CARMIL2: variants seen among roughly 807,000 people sequenced by gnomAD.
CARMIL2 encodes capping protein regulator and myosin 1 linker 2.
Under a neutral mutation model 173.3 loss-of-function variants are expected in CARMIL2, and 96 were observed. The observed-to-expected ratio is 0.55, with a 90% CI of 0.47 to 0.66. The LOEUF (loss-of-function observed/expected upper bound fraction) is 0.66. CARMIL2 is among the 30% of genes least tolerant of loss of function. CARMIL2 has a pLI of 0.00. For missense variants in CARMIL2, 1,771 were observed against 1,906.7 expected (o/e 0.93, Z 1.33); for synonymous variants, 830 against 817.1 (o/e 1.02, Z -0.27).
At position 67,657,376 on chromosome 16, in the gene CARMIL2, C is replaced by T. The variant is rs2142963713; in HGVS notation, c.4196-30C>T. The T allele has an allele frequency of 6.2e-7, 1 of 1,605,830 alleles. No homozygotes were observed. The highest frequency in any genetic ancestry group is 8.5e-7 in the Non-Finnish European group (1 of 1,176,016). The stretch of plus-strand genomic sequence containing the variant: ...AGGACTGCTTAGCCCAGCCCTGACC[C>T]TTCCTCTCTCTCCCTCCCTCCCCTC... On this transcript the variant is annotated intron_variant, in intron 37 of 37. Coordinates refer to ENST00000334583, the MANE Select transcript of CARMIL2 (RefSeq NM_001013838.3). The surrounding 1 kb of genome is among the most constrained non-coding windows in gnomAD (Gnocchi z 4.5).
Position 67,649,724 on chromosome 16 carries a change from C to T in CARMIL2, c.1920-82C>T. The T allele has an allele frequency of 6.4e-7, 1 of 1,569,132 alleles. No individual in the cohort carries two copies. The highest frequency in any genetic ancestry group is 8.6e-7 in the Non-Finnish European group (1 of 1,156,522). Reference sequence around the variant, plus strand: ...AATGAGGCGGAGCAAATGGAGCAGGCTGACGAGGCGAATGGACTAGGCCGA... The same window carrying T: ...AATGAGGCGGAGCAAATGGAGCAGGTTGACGAGGCGAATGGACTAGGCCGA... On this transcript the variant is annotated intron_variant, in intron 20 of 37. Coordinates refer to ENST00000334583, the MANE Select transcript of CARMIL2 (RefSeq NM_001013838.3). This position sits in a 1 kb window ranked among gnomAD's most constrained non-coding sequence, Gnocchi z 6.7.
Position 67,652,646 on chromosome 16 carries a change from A to AC in CARMIL2, c.2884+110dup. 8.9e-7 allele frequency: 1 copy of AC among 1,122,668 alleles called. No homozygotes were observed. The highest frequency in any genetic ancestry group is 1.3e-6 in the Non-Finnish European group (1 of 771,448). The allele number at this position is 1,122,668 out of a possible 1,614,324, so 69.5% of individuals were successfully genotyped here. On this transcript the variant is annotated intron_variant, in intron 28 of 37. Transcript: ENST00000334583. This position sits in a 1 kb window ranked among gnomAD's most constrained non-coding sequence, Gnocchi z 4.7. The stretch of plus-strand genomic sequence containing the variant: ...CTCATTCAGCCTTGTCTGGGTACCC[A>AC]CCAGCCCTTGACTGGGCCAGGTCGG...
At position 67,653,311 on chromosome 16, in the gene CARMIL2, G is replaced by A; in HGVS notation, c.3120+57G>A. On this transcript the variant is annotated intron_variant, in intron 29 of 37. Coordinates refer to ENST00000334583, the MANE Select transcript of CARMIL2 (RefSeq NM_001013838.3). The surrounding 1 kb of genome is among the most constrained non-coding windows in gnomAD (Gnocchi z 7.4). ...GGAATTGGGGATCACGGGTGGCCCG[G>A]CCGCTCCTCATGGGTGGTAGCGGTC... 1 of 906,098 alleles carries A rather than the reference G, an allele frequency of 1.1e-6. No homozygotes were observed. The highest frequency in any genetic ancestry group is 1.8e-5 in the African/African-American group (1 of 56,846). The allele number at this position is 906,098 out of a possible 1,614,324, so 56.1% of individuals were successfully genotyped here.
At chr16:67,647,015 G>T in intron 8 of CARMIL2, 42 bp downstream of exon 8, 1 of 1,608,332 alleles carries the variant, frequency 6.2e-7, no homozygotes, top group Non-Finnish European at 8.5e-7. Context: ...AGATCCCGGG[G>T]CCCATATCCC....
chr16:67,652,578 G>A lies in CARMIL2; in HGVS notation c.2884+40G>A, dbSNP rs369758886. 190 of 1,588,276 alleles carry A rather than the reference G, an allele frequency of 1.2e-4. No individual in the cohort carries two copies. Among genetic ancestry groups the A allele is most frequent in the Non-Finnish European group, 1.6e-4 (180 of 1,159,096 alleles). On this transcript the variant is annotated intron_variant, in intron 28 of 37. Transcript: ENST00000334583. The surrounding 1 kb of genome is among the most constrained non-coding windows in gnomAD (Gnocchi z 4.7). ...TGGGGGAGGGAGTTTACGTGGGTGG[G>A]CTGAAGCTCCATTAGACTTGGGGAC...
In CARMIL2 at chr16:67,648,598, C is replaced by A; in HGVS notation, c.1440-87C>A. ...CCTGCTTCTGTCGCTCCCACAACCTCCCCCAGATCCTGGCCCTGCCTCCTT... is the reference window on the plus strand; with the variant it reads ...CCTGCTTCTGTCGCTCCCACAACCTACCCCAGATCCTGGCCCTGCCTCCTT... On this transcript the variant is annotated intron_variant, in intron 15 of 37. Transcript: ENST00000334583. This position sits in a 1 kb window ranked among gnomAD's most constrained non-coding sequence, Gnocchi z 6.1. The A allele has an allele frequency of 6.7e-7, 1 of 1,488,128 alleles. No individual in the cohort carries two copies. Among genetic ancestry groups the A allele is most frequent in the East Asian group, 2.5e-5 (1 of 40,794 alleles). The allele number at this position is 1,488,128 out of a possible 1,614,324, so 92.2% of individuals were successfully genotyped here.
chr16:67,653,303 G>A lies in CARMIL2; in HGVS notation c.3120+49G>A. On this transcript the variant is annotated intron_variant, in intron 29 of 37. Transcript: ENST00000334583. The surrounding 1 kb of genome is among the most constrained non-coding windows in gnomAD (Gnocchi z 7.4). ...GAGCGCGTGGAATTGGGGATCACGG[G>A]TGGCCCGGCCGCTCCTCATGGGTGG... 1.0e-6 allele frequency: 1 copy of A among 962,744 alleles called. No individual in the cohort carries two copies. The allele number at this position is 962,744 out of a possible 1,614,324, so 59.6% of individuals were successfully genotyped here. A position where few individuals can be genotyped will look rare whatever the true frequency, so the allele number is the denominator to read the frequency against.
Position 67,652,422 on chromosome 16 carries a change from T to C in CARMIL2, c.2818-50T>C, listed in dbSNP as rs1176799523. On this transcript the variant is annotated intron_variant, in intron 27 of 37. Transcript: ENST00000334583. The surrounding 1 kb of genome is among the most constrained non-coding windows in gnomAD (Gnocchi z 4.7). ...GTGTGGAAGGTGAAAGGCAGCTCTT[T>C]TGGGTTGGTGCTCTCCTACCCCAGG... 3.1e-6 allele frequency: 5 copies of C among 1,611,984 alleles called. No homozygotes were observed. Among genetic ancestry groups the C allele is most frequent in the Admixed American group, 3.3e-5 (2 of 59,834 alleles).
chr16:67,654,179 G>T lies in CARMIL2; in HGVS notation c.3151G>T (p.Gly1051Trp), dbSNP rs867457779. 6.4e-7 allele frequency: 1 copy of T among 1,566,500 alleles called. No individual in the cohort carries two copies. Among genetic ancestry groups the T allele is most frequent in the African/African-American group, 1.4e-5 (1 of 73,552 alleles). Residue 1051 changes from glycine to tryptophan, a missense_variant, in exon 30 of 38, where the codon GGG becomes TGG. By Grantham distance (184) the Gly-to-Trp change is radical (BLOSUM62 -2). Coordinates refer to ENST00000334583, the MANE Select transcript of CARMIL2 (RefSeq NM_001013838.3). ...VPPALPQEGNGLSARVDEGVE... is the reference protein window; with the variant it reads ...VPPALPQEGNWLSARVDEGVE... ...CCCAGCCTTGCCGCAGGAAGGGAATGGGCTCAGTGCCCGCGTGGACGAGGG... is the reference window on the plus strand; with the variant it reads ...CCCAGCCTTGCCGCAGGAAGGGAATTGGCTCAGTGCCCGCGTGGACGAGGG...
chr16:67,654,708 G>A lies in CARMIL2; in HGVS notation c.3582+16G>A, dbSNP rs2052806446. Reference sequence around the variant, plus strand: ...ACCCGACAAGGTGAGGCTTGCTGATGGGGGGTGGTGAAGGCGCTTCTGGGA... The same window carrying A: ...ACCCGACAAGGTGAGGCTTGCTGATAGGGGGTGGTGAAGGCGCTTCTGGGA... On this transcript the variant is annotated intron_variant, in intron 31 of 37. Transcript: ENST00000334583. 1.3e-6 allele frequency: 2 copies of A among 1,599,482 alleles called. No homozygotes were observed. Among genetic ancestry groups the A allele is most frequent in the Admixed American group, 1.7e-5 (1 of 58,708 alleles).
chr16:67,648,898 C>T lies in CARMIL2; in HGVS notation c.1515C>T (p.Arg505=). 1 of 1,605,098 alleles carries T rather than the reference C, an allele frequency of 6.2e-7. No homozygotes were observed. The highest frequency in any genetic ancestry group is 8.5e-7 in the Non-Finnish European group (1 of 1,176,406). ...LHLDLSACEL[R]SAGAQVIQDL... is the part of the protein sequence containing the mutation. ...CTCCCACCTCCCACATACAGCTGCGCTCGGCCGGCGCCCAGGTGATACAAG... is the reference window on the plus strand; with the variant it reads ...CTCCCACCTCCCACATACAGCTGCGTTCGGCCGGCGCCCAGGTGATACAAG... The change falls in exon 17 of 38, where the codon CGC becomes CGT. Residue 505 remains arginine (R), a synonymous_variant. Coordinates refer to ENST00000334583, the MANE Select transcript of CARMIL2 (RefSeq NM_001013838.3). The surrounding 1 kb of genome is among the most constrained non-coding windows in gnomAD (Gnocchi z 6.1).
chr16:67,653,314 G>A lies in CARMIL2; in HGVS notation c.3120+60G>A. ...ATTGGGGATCACGGGTGGCCCGGCC[G>A]CTCCTCATGGGTGGTAGCGGTCAAG... On this transcript the variant is annotated intron_variant, in intron 29 of 37. Coordinates refer to ENST00000334583, the MANE Select transcript of CARMIL2 (RefSeq NM_001013838.3). This position sits in a 1 kb window ranked among gnomAD's most constrained non-coding sequence, Gnocchi z 7.4. The A allele has an allele frequency of 2.3e-6, 2 of 864,720 alleles. No individual in the cohort carries two copies. Among genetic ancestry groups the A allele is most frequent in the Non-Finnish European group, 1.5e-6 (1 of 685,308 alleles). The allele number at this position is 864,720 out of a possible 1,614,324, so 53.6% of individuals were successfully genotyped here.
rs1274894270 is a variant in CARMIL2, at chr16:67,652,040, A to G, written c.2676+32A>G. 6.2e-7 allele frequency: 1 copy of G among 1,610,450 alleles called. No homozygotes were observed. The highest frequency in any genetic ancestry group is 1.3e-5 in the African/African-American group (1 of 75,016). ...GGGAGATGTGCACACACTTTCGTGC[A>G]AACACACACATGCAGTGACTTGGCC... On this transcript the variant is annotated intron_variant, in intron 26 of 37. Coordinates refer to ENST00000334583, the MANE Select transcript of CARMIL2 (RefSeq NM_001013838.3). This position sits in a 1 kb window ranked among gnomAD's most constrained non-coding sequence, Gnocchi z 4.7.
chr16:67,654,359 T>C lies in CARMIL2; in HGVS notation c.3249T>C (p.Thr1083=). Residue 1083 remains threonine (T), a synonymous_variant, in exon 31 of 38, where the codon ACT becomes ACC. Coordinates refer to ENST00000334583, the MANE Select transcript of CARMIL2 (RefSeq NM_001013838.3). ...GGGCCCCCGAGGAGGACCCGGCCACTGAGGGGGGCGCCACTCCTGTCCCCC... is the reference window on the plus strand; with the variant it reads ...GGGCCCCCGAGGAGGACCCGGCCACCGAGGGGGGCGCCACTCCTGTCCCCC... ...RLWAPEEDPA[T]EGGATPVPRT... 6.2e-7 allele frequency: 1 copy of C among 1,601,686 alleles called. No homozygotes were observed. Among genetic ancestry groups the C allele is most frequent in the Non-Finnish European group, 8.5e-7 (1 of 1,174,638 alleles).
chr16:67,646,902 C>T lies in CARMIL2; in HGVS notation c.540C>T (p.Asp180=), dbSNP rs745676569. Residue 180 remains aspartate (D), a splice_region_variant and synonymous_variant, in exon 8 of 38, where the codon GAC becomes GAT. Coordinates refer to ENST00000334583, the MANE Select transcript of CARMIL2 (RefSeq NM_001013838.3). The surrounding 1 kb of genome is among the most constrained non-coding windows in gnomAD (Gnocchi z 4.6). ...GTAAGCATCTCCTTCTCACCCAGGA[C>T]GTGGACACCATTTACCATCGCCAGG... ...GFPFREEIQW[D]VDTIYHRQGC... The T allele has an allele frequency of 4.3e-6, 7 of 1,613,798 alleles. No homozygotes were observed. Among genetic ancestry groups the T allele is most frequent in the South Asian group, 3.3e-5 (3 of 91,090 alleles).
intron 10 of CARMIL2, 50 bp downstream of exon 10, chr16:67,647,437 CT>C: frequency 6.4e-7 from 1 of 1,557,350 alleles, no homozygotes; most frequent in Non-Finnish European, 8.7e-7. Flanking sequence ...AGGCTTGGGA[CT>C]GGGGGCTAGT....
rs567159384 is a variant in CARMIL2, at chr16:67,651,906, C to G, written c.2589-15C>G. ...CAAAGCCAGCCCATTAACCCCTGTC[C>G]TCTCCTGCCCTTAGGGACATGCGGC... On this transcript the variant is annotated splice_polypyrimidine_tract_variant and intron_variant, in intron 25 of 37. Transcript: ENST00000334583. The surrounding 1 kb of genome is among the most constrained non-coding windows in gnomAD (Gnocchi z 4.2). 4 of 1,613,220 alleles carry G rather than the reference C, an allele frequency of 2.5e-6. No homozygotes were observed. The highest frequency in any genetic ancestry group is 2.5e-6 in the Non-Finnish European group (3 of 1,179,786).
In CARMIL2 at chr16:67,653,158, C is replaced by T. The variant is rs986934353; in HGVS notation, c.3024C>T (p.Asp1008=). 5.4e-6 allele frequency: 6 copies of T among 1,108,206 alleles called. No homozygotes were observed. The African/African-American group carries it at 1.0e-4, about 18-fold the overall frequency. 68.6% of individuals were successfully genotyped at this position (1,108,206 alleles called of 1,614,324 possible). Residue 1008 remains aspartate, a synonymous_variant, in exon 29 of 38, where the codon GAC becomes GAT. Transcript: ENST00000334583. This position sits in a 1 kb window ranked among gnomAD's most constrained non-coding sequence, Gnocchi z 7.4. The part of the protein sequence containing the change: ...GPPAGPLPRM[D]LPLAGQPLRH... ...CGGCCGGCCCGCTGCCCCGCATGGA[C>T]CTGCCACTGGCGGGGCAGCCCCTGC... is the stretch of plus-strand genomic sequence containing the variant.
At position 67,656,219 on chromosome 16, in the gene CARMIL2, G is replaced by A. The variant is rs767640828; in HGVS notation, c.3743-9G>A. ...GTCTGGTACCTGAGTCCCCAGCTCC[G>A]CCTTGCAGGTGACATTATGGACAGT... On this transcript the variant is annotated splice_polypyrimidine_tract_variant and intron_variant, in intron 33 of 37. Transcript: ENST00000334583. 6 of 1,613,888 alleles carry A rather than the reference G, an allele frequency of 3.7e-6. No individual in the cohort carries two copies. The highest frequency in any genetic ancestry group is 1.3e-5 in the African/African-American group (1 of 75,052).
Sources: gnomAD v4.1 joint callset for allele counts on GRCh38, gnomAD v4.1.1 for gene constraint, Gnocchi (gnomAD v3.1) non-coding constraint, MANE v1.5 for transcripts, NCBI Gene and HGNC (gene_info 2026-07-23, HGNC 2026-07-21) for gene names.